ATP6V0A4: variants seen among roughly 807,000 people sequenced by gnomAD.
The protein encoded by ATP6V0A4 is V-type proton ATPase 116 kDa subunit a 4.
ATP6V0A4 carries 86 observed loss-of-function variants against 107.3 expected under a neutral mutation model. The observed-to-expected ratio is 0.80, with a 90% CI of 0.67 to 0.96. The LOEUF (loss-of-function observed/expected upper bound fraction) is 0.96. Ranked by LOEUF, ATP6V0A4 falls within the 40% of genes least tolerant of loss-of-function variation. ATP6V0A4 has a pLI of 0.00. For synonymous variants in ATP6V0A4, 353 were observed against 381.4 expected, an observed-to-expected ratio of 0.93 and a Z score of 0.87; for missense variants, 908 against 1,045.6, an observed-to-expected ratio of 0.87 and a Z score of 1.81.
chr7:138,733,262 A>G (rs1225114667), intron 16 of ATP6V0A4, 169 bp from the exon 17 acceptor site: 1 of 587,492 alleles, frequency 1.7e-6, no homozygotes, highest in Non-Finnish European at 2.0e-6. Context: ...TCCTGTATGG[A>G]TGCATAGAAA....
chr7:138,769,148 A>G (rs74539952), intron 4 of ATP6V0A4, 25 bp downstream of exon 4: 2 of 38,182 alleles, frequency 5.2e-5, no homozygotes, highest in Non-Finnish European at 1.3e-4. Flanking sequence ...GAACAGTAAG[A>G]AAAAAAAAAA....
intron 18 of ATP6V0A4, among the ~76,000 whole-genome samples, chr7:138,723,518 CTTTTCTTTTTT>C (rs1288883960): frequency 1.2e-5 from 1 of 83,770 alleles, no homozygotes; most frequent in Non-Finnish European, 2.5e-5. Context: ...ACCCTTCTTT[CTTTTCTTTTTT>C]TTTTTTTTTT....
At chr7:138,784,587 G>C (rs1285855078) in intron 2 of ATP6V0A4, among the ~76,000 whole-genome samples, 1 of 151,670 alleles carries the variant, frequency 6.6e-6, no homozygotes, top group Non-Finnish European at 1.5e-5. Context: ...CAAAGTGCTG[G>C]GATTATAGGC....
intron 2 of ATP6V0A4, among the ~76,000 whole-genome samples, chr7:138,775,498 G>A (rs10246693): frequency 1 from 151,907 of 152,232 alleles, 75,792 homozygotes; most frequent in Middle Eastern, 1. Flanking sequence ...TTTTTAAGAG[G>A]CAGGGTCTTG....
At chr7:138,762,546 A>G (rs1185147137) in intron 6 of ATP6V0A4, 112 bp from the exon 7 acceptor site, 12 of 1,529,626 alleles carry the variant, frequency 7.8e-6, no homozygotes, top group Admixed American at 2.0e-5. Flanking sequence ...TTCCACAAAA[A>G]GTTAACAGAA....
chr7:138,746,053 T>TAAATA (rs1805939198), intron 13 of ATP6V0A4, among the ~76,000 whole-genome samples: 1 of 143,024 alleles, frequency 7.0e-6, no homozygotes, highest in Non-Finnish European at 1.5e-5. Context: ...ATTATATATA[T>TAAATA]ATGCATGCCT....
intron 1 of ATP6V0A4, among the ~76,000 whole-genome samples, chr7:138,794,214 C>T (rs1162241040): frequency 6.6e-6 from 1 of 152,144 alleles, no homozygotes; most frequent in Non-Finnish European, 1.5e-5. Context: ...AGCCATCAAC[C>T]CCATCTCTGT....
Position 138,707,068 on chromosome 7 carries a change from A to ATGTGTGTGTGTGTGTGTGTGTGTGTG in ATP6V0A4, c.2430-352_2430-351insCACACACACACACACACACACACACA, listed in dbSNP as rs10669320. ...ATACCACCATGCCTAGCTAATTTAT[A>ATGTGTGTGTGTGTGTGTGTGTGTGTG]TGTGTGTGTGTGTGTGTGTGTGTGT... is the stretch of plus-strand genomic sequence containing the variant. On this transcript the variant is annotated intron_variant, in intron 21 of 21. Transcript: ENST00000310018. Among the ~76,000 whole-genome samples the ATGTGTGTGTGTGTGTGTGTGTGTGTG allele has an allele frequency of 2.0e-4, 18 of 90,088 alleles. 2 individuals are homozygous for ATGTGTGTGTGTGTGTGTGTGTGTGTG. Among genetic ancestry groups the ATGTGTGTGTGTGTGTGTGTGTGTGTG allele is most frequent in the African/African-American group, 8.7e-4 (17 of 19,568 alleles). The allele number at this position is 90,088 out of a possible 152,430, so 59.1% of individuals were successfully genotyped here. A position where few individuals can be genotyped will look rare whatever the true frequency, so the allele number is the denominator to read the frequency against.
intron 15 of ATP6V0A4, among the ~76,000 whole-genome samples, chr7:138,736,665 G>A (rs1421403223): frequency 7.2e-5 from 11 of 151,822 alleles, no homozygotes; most frequent in South Asian, 2.1e-4. Context: ...TCTGCCTCCC[G>A]GGTTCAAGCG....
chr7:138,793,435 C>T (rs1435608358), intron 1 of ATP6V0A4, among the ~76,000 whole-genome samples: 8 of 152,136 alleles, frequency 5.3e-5, no homozygotes, highest in Non-Finnish European at 1.2e-4. Flanking sequence ...GACAAAACTA[C>T]AGGGAAGAAA....
chr7:138,791,585 AAG>A (rs1271509149), intron 1 of ATP6V0A4, among the ~76,000 whole-genome samples: 2 of 152,352 alleles, frequency 1.3e-5, no homozygotes, highest in Admixed American at 6.5e-5. Context: ...CAAAAAATAA[AAG>A]AGGCAAATTA....
intron 19 of ATP6V0A4, among the ~76,000 whole-genome samples, chr7:138,720,175 G>T (rs75898015): frequency 0.011 from 1,674 of 152,244 alleles, 37 homozygotes; most frequent in African/African-American, 0.036. Context: ...TTGCGGCTGG[G>T]ATCAGTCTTG....
At chr7:138,777,633 TACACACACAC>T (rs1176566807) in intron 2 of ATP6V0A4, among the ~76,000 whole-genome samples, 9 of 106,376 alleles carry the variant, frequency 8.5e-5, no homozygotes, top group Admixed American at 3.3e-4. Context: ...AAAAAAAAAA[TACACACACAC>T]ACACACACAC....
rs368494547 is a variant in ATP6V0A4, at chr7:138,767,943, T to C, written c.291+837A>G. Among the ~76,000 whole-genome samples, 51 of 152,202 alleles carry C rather than the reference T, an allele frequency of 3.4e-4. No homozygotes were observed. The South Asian group carries it at 9.5e-3, about 28-fold the overall frequency. ...AGTGGTTTTTTTGTTTGTTTGTTTG[T>C]TTGTTTTTGAGATGGAGTCTTGCTC... On this transcript the variant is annotated intron_variant, in intron 5 of 21. Coordinates refer to ENST00000310018, the MANE Select transcript of ATP6V0A4 (RefSeq NM_020632.3).
At chr7:138,707,268 T>TATATAGA (rs1803470631) in intron 21 of ATP6V0A4, among the ~76,000 whole-genome samples, 2 of 87,796 alleles carry the variant, frequency 2.3e-5, no homozygotes, top group African/African-American at 1.0e-4. Flanking sequence ...TATATTATAT[T>TATATAGA]ATATATTCTA....
At chr7:138,792,562 G>A (rs746542019) in intron 1 of ATP6V0A4, among the ~76,000 whole-genome samples, 2 of 152,096 alleles carry the variant, frequency 1.3e-5, no homozygotes, top group Non-Finnish European at 2.9e-5. Flanking sequence ...TAGATGGGAA[G>A]AGTAGAGAGC....
chr7:138,734,842 G>C (rs1425142925), intron 15 of ATP6V0A4, among the ~76,000 whole-genome samples: 2 of 150,710 alleles, frequency 1.3e-5, no homozygotes, highest in Non-Finnish European at 2.9e-5. Flanking sequence ...TCTCAAACTT[G>C]CCTCAGTTTC....
chr7:138,733,049 T>G lies in ATP6V0A4; in HGVS notation c.1736A>C (p.Glu579Ala). ...TLNIILQFIP[E>A]MIFILCLFGY... Reference sequence around the variant, plus strand: ...AAACAGACACAGGATAAAAATCATCTCAGGGATAAATTGCAGAATGATGTT... The same window carrying G: ...AAACAGACACAGGATAAAAATCATCGCAGGGATAAATTGCAGAATGATGTT... The change falls in exon 17 of 22, where the codon GAG (glutamate) becomes GCG (alanine). Residue 579 changes from glutamate (E) to alanine (A), a missense_variant. Transcript: ENST00000310018. The G allele has an allele frequency of 6.2e-7, 1 of 1,614,016 alleles. No individual in the cohort carries two copies. The highest frequency in any genetic ancestry group is 1.1e-5 in the South Asian group (1 of 91,072).
At chr7:138,716,578 G>A (rs55772387) in intron 19 of ATP6V0A4, among the ~76,000 whole-genome samples, 1 of 136,560 alleles carries the variant, frequency 7.3e-6, no homozygotes, top group African/African-American at 2.6e-5. Context: ...TTTTTTTTGG[G>A]GGGGGGGGAG....
Sources: allele counts gnomAD v4.1 joint callset (sites outside exome capture counted in the v4.1 genomes callset), GRCh38; gene constraint gnomAD v4.1.1; transcripts MANE v1.5; gene names NCBI Gene and HGNC (gene_info 2026-07-23, HGNC 2026-07-21).